The following PKHD1 variants were observed in gnomAD, a reference collection of about 807,000 sequenced individuals.
The protein encoded by PKHD1 is PKHD1 ciliary IPT domain containing fibrocystin/polyductin.
PKHD1 carries 291 observed loss-of-function variants against 412.0 expected under a neutral mutation model. That is an observed-to-expected ratio of 0.71 (90% CI 0.64 to 0.78). PKHD1 has a LOEUF of 0.78. Among genes scored for constraint, PKHD1 ranks in the 30% least tolerant of loss-of-function variants. PKHD1 has a pLI of 0.00. For synonymous variants in PKHD1, 1,777 were observed against 1,821.5 expected (o/e 0.98, Z 0.62); for missense variants, 4,825 against 4,950.7 (o/e 0.97, Z 0.76).
chr6:51,687,033 T>C (rs1401283012), intron 60 of PKHD1, among the ~76,000 whole-genome samples: 1 of 152,152 alleles, frequency 6.6e-6, no homozygotes, highest in Non-Finnish European at 1.5e-5. Flanking sequence ...CCTGAAATCA[T>C]GGCACCAAAA....
At chr6:51,623,095 G>A (rs569364760) in intron 66 of PKHD1, among the ~76,000 whole-genome samples, 4 of 151,920 alleles carry the variant, frequency 2.6e-5, no homozygotes, top group Non-Finnish European at 5.9e-5. Flanking sequence ...ATTTATTTTA[G>A]AAAATTGGCT....
intron 60 of PKHD1, among the ~76,000 whole-genome samples, chr6:51,683,531 A>C (rs1466764492): frequency 6.6e-6 from 1 of 152,086 alleles, no homozygotes; most frequent in Admixed American, 6.6e-5. Context: ...AACCATATAT[A>C]AGGTTAAAGA....
At chr6:51,676,690 G>A (rs1490907096) in intron 60 of PKHD1, among the ~76,000 whole-genome samples, 1 of 152,158 alleles carries the variant, frequency 6.6e-6, no homozygotes, top group African/African-American at 2.4e-5. Context: ...TATATATGTT[G>A]TCACAGGCCC....
At chr6:52,045,944 T>C in intron 24 of PKHD1, 60 bp downstream of exon 24, 1 of 1,158,356 alleles carries the variant, frequency 8.6e-7, no homozygotes, top group South Asian at 1.2e-5. Context: ...CTGATTTTTT[T>C]TTTTGCAGAA....
intron 43 of PKHD1, among the ~76,000 whole-genome samples, chr6:51,892,566 A>C (rs985169159): frequency 1.3e-5 from 2 of 152,122 alleles, no homozygotes; most frequent in Non-Finnish European, 2.9e-5. Context: ...TAGTTGAGAA[A>C]CCTTGGTCTA....
At chr6:51,866,698 A>G (rs548356617) in intron 48 of PKHD1, among the ~76,000 whole-genome samples, 46 of 152,172 alleles carry the variant, frequency 3.0e-4, no homozygotes, top group Non-Finnish European at 5.6e-4. Context: ...ATTTGATAAA[A>G]TGCATGTAAG....
chr6:52,025,424 T>G lies in PKHD1; in HGVS notation c.4386A>C (p.Thr1462=). ...CGCTGGTTAGCCCATTGACCAGGACTGTGACGTTCAGGGAGAAGGAAGCTC... is the reference window on the plus strand; with the variant it reads ...CGCTGGTTAGCCCATTGACCAGGACGGTGACGTTCAGGGAGAAGGAAGCTC... The part of the protein sequence containing the change: ...LPGASFSLNV[T]VLVNGLTSEC... Residue 1462 remains threonine, a synonymous_variant, in exon 32 of 67, where the codon ACA becomes ACC. Coordinates refer to ENST00000371117, the MANE Select transcript of PKHD1 (RefSeq NM_138694.4). 3 of 1,608,004 alleles carry G rather than the reference T, an allele frequency of 1.9e-6. No individual in the cohort carries two copies. The highest frequency in any genetic ancestry group is 2.6e-6 in the Non-Finnish European group (3 of 1,176,156).
At chr6:51,901,254 A>G (rs1781226978) in intron 43 of PKHD1, among the ~76,000 whole-genome samples, 1 of 152,214 alleles carries the variant, frequency 6.6e-6, no homozygotes, top group Non-Finnish European at 1.5e-5. Flanking sequence ...ACAATAGCAA[A>G]GACTTGGAAC....
At chr6:51,692,579 GT>G (rs1778305351) in intron 60 of PKHD1, among the ~76,000 whole-genome samples, 1 of 152,042 alleles carries the variant, frequency 6.6e-6, no homozygotes, top group Non-Finnish European at 1.5e-5. Flanking sequence ...AAGTGACCTT[GT>G]CCCAGTCTAC....
At chr6:51,785,670 G>A (rs1792741109) in intron 53 of PKHD1, among the ~76,000 whole-genome samples, 1 of 151,912 alleles carries the variant, frequency 6.6e-6, no homozygotes, top group African/African-American at 2.4e-5. Flanking sequence ...TTATTTTCCT[G>A]TCATTTCATT....
chr6:51,731,469 G>A (rs775080784), intron 60 of PKHD1, among the ~76,000 whole-genome samples: 2 of 152,110 alleles, frequency 1.3e-5, no homozygotes, highest in African/African-American at 2.4e-5. Flanking sequence ...TGATGCTTTG[G>A]TTGGAGGCTT....
At chr6:51,916,516 A>C (rs1017672609) in intron 37 of PKHD1, among the ~76,000 whole-genome samples, 2 of 152,194 alleles carry the variant, frequency 1.3e-5, no homozygotes, top group Non-Finnish European at 2.9e-5. Context: ...AAGACCAGAG[A>C]ACTAGACAAG....
At chr6:51,735,239 C>A (rs1582358393) in intron 60 of PKHD1, among the ~76,000 whole-genome samples, 1 of 152,210 alleles carries the variant, frequency 6.6e-6, no homozygotes, top group East Asian at 1.9e-4. Context: ...TGGAGTCAGA[C>A]AAATATAGAT....
In PKHD1 at chr6:51,914,746, A is replaced by C. The variant is rs542382890; in HGVS notation, c.6122-2170T>G. Among the ~76,000 whole-genome samples the C allele has an allele frequency of 5.5e-4, 83 of 152,186 alleles. No homozygotes were observed. In the South Asian group the frequency reaches 0.017, roughly 31 times the overall value. Reference sequence around the variant, plus strand: ...ACTTTATGGTCTCTGATTTCTTAATAAATTCTGTTCCAAGAAGCCCAGTCT... The same window carrying C: ...ACTTTATGGTCTCTGATTTCTTAATCAATTCTGTTCCAAGAAGCCCAGTCT... On this transcript the variant is annotated intron_variant, in intron 37 of 66. Coordinates refer to ENST00000371117, the MANE Select transcript of PKHD1 (RefSeq NM_138694.4).
Position 51,693,745 on chromosome 6 carries a change from A to G in PKHD1, c.10157-33776T>C, listed in dbSNP as rs150777475. On this transcript the variant is annotated intron_variant, in intron 60 of 66. Transcript: ENST00000371117. The stretch of plus-strand genomic sequence containing the variant: ...CTCATTGAAAACAATAACAACAATA[A>G]TAATACCAGATGACATGTACTGAGT... Among the ~76,000 whole-genome samples the G allele has an allele frequency of 1.5e-4, 23 of 152,312 alleles. 1 individual carries two copies. Among genetic ancestry groups the G allele is most frequent in the Non-Finnish European group, 2.8e-4 (19 of 68,020 alleles).
rs374274798 is a variant in PKHD1 at position 51,870,644 on chromosome 6, G to A, written c.7351-5C>T. 3 of 1,605,076 alleles carry A rather than the reference G, an allele frequency of 1.9e-6. No homozygotes were observed. In the African/African-American group the frequency reaches 4.0e-5, roughly 22 times the overall value. ...AGATGACATACACAGACTTCCCTGTGATTTAAAAGAAAAAAAGATGAAAGC... is the reference window on the plus strand; with the variant it reads ...AGATGACATACACAGACTTCCCTGTAATTTAAAAGAAAAAAAGATGAAAGC... On this transcript the variant is annotated splice_region_variant and splice_polypyrimidine_tract_variant and intron_variant, in intron 46 of 66. Transcript: ENST00000371117.
intron 60 of PKHD1, among the ~76,000 whole-genome samples, chr6:51,690,349 G>A (rs112479114): frequency 2.5e-4 from 37 of 148,322 alleles, no homozygotes; most frequent in African/African-American, 6.5e-4. Flanking sequence ...AAAAGAGATC[G>A]AATAGCCAAG....
chr6:52,065,088 T>C (rs1482013489), intron 12 of PKHD1, 38 bp from the exon 13 acceptor site: 1 of 931,460 alleles, frequency 1.1e-6, no homozygotes, highest in Non-Finnish European at 1.7e-6. Context: ...TGTGTGTGTG[T>C]GTAGGTATAC....
chr6:51,867,903 A>G lies in PKHD1; in HGVS notation c.7693T>C (p.Cys2565Arg). The G allele has an allele frequency of 1.2e-6, 2 of 1,613,084 alleles. No individual in the cohort carries two copies. The highest frequency in any genetic ancestry group is 1.3e-5 in the African/African-American group (1 of 75,036). ...CGATGAAAAAGAACACCTCCTCCAC[A>G]GGCACTGCCATGGACAACCCGACCA... ...SFGRVVHGSA[C>R]GGGVLFHRMS... is the part of the protein sequence containing the mutation. Residue 2565 changes from cysteine to arginine, a missense_variant, in exon 48 of 67, where the codon TGT (cysteine) becomes CGT (arginine). By Grantham distance (180) the Cys-to-Arg change is radical. Coordinates refer to ENST00000371117, the MANE Select transcript of PKHD1 (RefSeq NM_138694.4).
Sources: gnomAD v4.1 joint callset for allele counts (sites outside exome capture counted in the v4.1 genomes callset) on GRCh38, gnomAD v4.1.1 for gene constraint, MANE v1.5 for transcripts, NCBI Gene and HGNC (gene_info 2026-07-23, HGNC 2026-07-21) for gene names.